The following IP6K2 variants were observed in gnomAD, a reference collection of about 807,000 sequenced individuals.
IP6K2 encodes the protein ATP:1D-myo-inositol-hexakisphosphate phosphotransferase.
Under a neutral mutation model 43.3 loss-of-function variants are expected in IP6K2, and 9 were observed. The observed-to-expected ratio is 0.21, with a 90% CI of 0.13 to 0.36. IP6K2 has a LOEUF of 0.36. IP6K2 is among the 10% of genes least tolerant of loss of function. The pLI is 1.00. For synonymous variants in IP6K2, 209 were observed against 202.4 expected (o/e 1.03, Z -0.28); for missense variants, 332 against 538.4 (o/e 0.62, Z 3.79).
chr3:48,695,865 T>A lies in IP6K2; in HGVS notation c.-130-444A>T, dbSNP rs901624682. 6.8e-6 allele frequency among the ~76,000 whole-genome samples: 1 copy of A among 147,308 alleles called. No homozygotes were observed. Among genetic ancestry groups the A allele is most frequent in the African/African-American group, 2.5e-5 (1 of 40,526 alleles). ...ATATATATTATATATATAAAATAAA[T>A]ATATATATATAATTTTTTAATATAT... On this transcript the variant is annotated intron_variant, in intron 1 of 5. Coordinates refer to ENST00000328631, the MANE Select transcript of IP6K2 (RefSeq NM_016291.4). This position sits in a 1 kb window ranked among gnomAD's most constrained non-coding sequence, Gnocchi z 4.6.
chr3:48,710,856 G>A (rs886078202), intron 1 of IP6K2, among the ~76,000 whole-genome samples: 2 of 152,064 alleles, frequency 1.3e-5, no homozygotes, highest in Non-Finnish European at 1.5e-5. Context: ...TGATCCATCC[G>A]CCTCGGCCGC....
intron 3 of IP6K2, 69 bp downstream of exon 3, chr3:48,692,885 G>T: frequency 8.7e-7 from 1 of 1,145,242 alleles, no homozygotes; most frequent in Non-Finnish European, 1.3e-6. Context: ...CCAGGGAACT[G>T]GGCTGTAACC....
At chr3:48,711,300 G>A (rs973545938) in intron 1 of IP6K2, 1 of 152,126 alleles carries the variant, frequency 6.6e-6, no homozygotes, top group Admixed American at 6.6e-5. Flanking sequence ...AATCCCCCAG[G>A]ACCTTGTATC....
intron 4 of IP6K2, among the ~76,000 whole-genome samples, chr3:48,690,949 T>C (rs2077728790): frequency 6.6e-6 from 1 of 152,080 alleles, no homozygotes; most frequent in Admixed American, 6.5e-5. Context: ...CCTTGGCAGG[T>C]GAGCAATGTT....
At chr3:48,689,785 T>C (rs2077610252) in intron 4 of IP6K2, 72 bp from the exon 5 acceptor site, 6 of 1,351,436 alleles carry the variant, frequency 4.4e-6, no homozygotes, top group Non-Finnish European at 6.2e-6. Flanking sequence ...CAAGGTACAG[T>C]GCCTTGATGC....
chr3:48,703,686 C>G (rs1212532515), intron 1 of IP6K2, among the ~76,000 whole-genome samples: 1 of 151,046 alleles, frequency 6.6e-6, no homozygotes, highest in East Asian at 2.0e-4. Context: ...CACTGCACTC[C>G]AGCCTGGGAC....
intron 1 of IP6K2, among the ~76,000 whole-genome samples, chr3:48,700,069 G>A (rs905272670): frequency 6.6e-6 from 1 of 152,104 alleles, no homozygotes; most frequent in African/African-American, 2.4e-5. Context: ...CACATAGTAA[G>A]TCTTGCTTTT....
At chr3:48,693,921 A>G in intron 2 of IP6K2, 1 of 1,319,222 alleles carries the variant, frequency 7.6e-7, no homozygotes, top group African/African-American at 1.5e-5. Flanking sequence ...TGCCATGAGT[A>G]ATTAAGACAG....
chr3:48,692,738 C>G (rs2106798792), intron 3 of IP6K2, among the ~76,000 whole-genome samples: 1 of 152,364 alleles, frequency 6.6e-6, no homozygotes, highest in Non-Finnish European at 1.5e-5. Context: ...GAATCTCTTA[C>G]AGCTGCCAGT....
At chr3:48,708,262 A>C (rs1275249830) in intron 1 of IP6K2, 1 of 152,090 alleles carries the variant, frequency 6.6e-6, no homozygotes, top group African/African-American at 2.4e-5. Context: ...AATAATAATA[A>C]TACATAAATA....
intron 1 of IP6K2, among the ~76,000 whole-genome samples, chr3:48,713,461 T>G (rs971188375): frequency 6.6e-6 from 1 of 152,204 alleles, no homozygotes; most frequent in Non-Finnish European, 1.5e-5. Flanking sequence ...ACTTAGGAGA[T>G]CTAGCCCAGG....
At chr3:48,694,481 A>G in intron 2 of IP6K2, 2 of 1,547,796 alleles carry the variant, frequency 1.3e-6, no homozygotes, top group Non-Finnish European at 1.7e-6. Context: ...AGACTCCCCC[A>G]CTCCCCAACA....
At chr3:48,712,126 G>A (rs1268528200) in intron 1 of IP6K2, among the ~76,000 whole-genome samples, 3 of 152,022 alleles carry the variant, frequency 2.0e-5, no homozygotes, top group Non-Finnish European at 4.4e-5. Context: ...AAATGCAGTG[G>A]CTCACACCTG....
intron 2 of IP6K2, chr3:48,694,771 T>G: frequency 6.5e-7 from 1 of 1,530,226 alleles, no homozygotes; most frequent in Non-Finnish European, 8.7e-7. Flanking sequence ...TCCCAAAGTC[T>G]TCCCCCACCG....
chr3:48,692,833 T>C (rs2077917912), intron 3 of IP6K2, 121 bp downstream of exon 3: 1 of 724,708 alleles, frequency 1.4e-6, no homozygotes, highest in African/African-American at 1.8e-5. Flanking sequence ...AATTAGCCAC[T>C]GAATGACAAG....
rs1197337413 is a variant in IP6K2 at position 48,689,686 on chromosome 3, G to A, written c.632C>T (p.Ser211Phe). The A allele has an allele frequency of 2.5e-6, 4 of 1,613,982 alleles. No individual in the cohort carries two copies. The South Asian group carries it at 3.3e-5, about 13-fold the overall frequency. Reference sequence around the variant, plus strand: ...AAGGACACAAGGCACCTCGTAGCGGGAAGTCAGGTTTTCCAGTAAGATAAA... The same window carrying A: ...AAGGACACAAGGCACCTCGTAGCGGAAAGTCAGGTTTTCCAGTAAGATAAA... Reference protein sequence around the residue: ...YKFILLENLTSRYEVPCVLDL... With the variant: ...YKFILLENLTFRYEVPCVLDL... The change falls in exon 5 of 6, where the codon TCC (serine) becomes TTC (phenylalanine). Residue 211 changes from serine to phenylalanine, a missense_variant. Ser to Phe is a radical substitution (Grantham distance 155). Transcript: ENST00000328631.
At chr3:48,710,021 G>A (rs1447332337) in intron 1 of IP6K2, among the ~76,000 whole-genome samples, 1 of 152,108 alleles carries the variant, frequency 6.6e-6, no homozygotes, top group Non-Finnish European at 1.5e-5. Context: ...CAGTTCCAAA[G>A]CAAAGGTCAC....
At chr3:48,701,777 A>G (rs2079079138) in intron 1 of IP6K2, among the ~76,000 whole-genome samples, 1 of 152,068 alleles carries the variant, frequency 6.6e-6, no homozygotes, top group Non-Finnish European at 1.5e-5. Context: ...AGGCGCCTGT[A>G]GTCCCACCTG....
At chr3:48,700,122 A>AT (rs1244456099) in intron 1 of IP6K2, among the ~76,000 whole-genome samples, 1 of 152,232 alleles carries the variant, frequency 6.6e-6, no homozygotes, top group East Asian at 1.9e-4. Context: ...CAATATGAAC[A>AT]TAAGTATGGT....
Sources: allele counts gnomAD v4.1 joint callset (sites outside exome capture counted in the v4.1 genomes callset), GRCh38; gene constraint gnomAD v4.1.1; non-coding constraint Gnocchi (gnomAD v3.1); transcripts MANE v1.5; gene names NCBI Gene and HGNC (gene_info 2026-07-23, HGNC 2026-07-21).